The following ECEL1 variants were observed in gnomAD, a reference collection of about 807,000 sequenced individuals.
The protein encoded by ECEL1 is endothelin-converting enzyme-like 1.
In ECEL1, 87 loss-of-function variants were observed where a neutral mutation model predicts 101.8. That is an observed-to-expected ratio of 0.85 (90% CI 0.72 to 1.02). The LOEUF is 1.02. Among genes scored for constraint, ECEL1 ranks in the 50% least tolerant of loss-of-function variants. The probability of loss-of-function intolerance (pLI) is 0.00; values close to 1 mark genes in which losing one functional copy is unlikely to be tolerated. For missense variants in ECEL1, 1,032 were observed against 1,079.2 expected, an observed-to-expected ratio of 0.96 and a Z score of 0.61; for synonymous variants, 487 against 468.7, an observed-to-expected ratio of 1.04 and a Z score of -0.50.
At chr2:232,483,034 G>A in intron 9 of ECEL1, 71 bp downstream of exon 9, 1 of 1,612,264 alleles carries the variant, frequency 6.2e-7, no homozygotes. Flanking sequence ...GGCCGTGCAG[G>A]CCACCTGCCC....
intron 9 of ECEL1, 33 bp downstream of exon 9, chr2:232,483,072 T>TG: frequency 6.2e-7 from 1 of 1,611,470 alleles, no homozygotes; most frequent in Non-Finnish European, 8.5e-7. Flanking sequence ...AGAGGGGCTG[T>TG]GGACAGGCTG....
rs576994013 is a variant in ECEL1 at position 232,482,690 on chromosome 2, C to T, written c.1686-82G>A. On this transcript the variant is annotated intron_variant, in intron 10 of 17. Coordinates refer to ENST00000304546, the MANE Select transcript of ECEL1 (RefSeq NM_004826.4). ...ACATCACAGCTTCCTCGTCAGCCAT[C>T]TCCTGACAGTCTGGGGGTCACCCTG... 5 of 1,540,744 alleles carry T rather than the reference C, an allele frequency of 3.2e-6. No individual in the cohort carries two copies. The Admixed American group carries it at 6.8e-5, about 21-fold the overall frequency.
rs778658998 is a variant in ECEL1 at position 232,483,481 on chromosome 2, G to A, written c.1441C>T (p.Leu481=). The part of the protein sequence containing the change: ...QQLVEDIKYI[L]GQRLEELDWM... Reference sequence around the variant, plus strand: ...TCCAGCTCCTCCAGGCGCTGGCCCAGGATGTACTTGATGTCTTCCACTAGC... The same window carrying A: ...TCCAGCTCCTCCAGGCGCTGGCCCAAGATGTACTTGATGTCTTCCACTAGC... The change falls in exon 8 of 18, where the codon CTG becomes TTG. Residue 481 remains leucine, a synonymous_variant. Transcript: ENST00000304546. 4 of 1,612,224 alleles carry A rather than the reference G, an allele frequency of 2.5e-6. No individual in the cohort carries two copies. In the East Asian group the frequency reaches 6.7e-5, roughly 27 times the overall value.
At chr2:232,481,004 G>A in intron 15 of ECEL1, 87 bp downstream of exon 15, 2 of 1,504,480 alleles carry the variant, frequency 1.3e-6, no homozygotes, top group South Asian at 2.4e-5. Flanking sequence ...AGGGTGGGCA[G>A]GGAGAGGCAG....
Position 232,486,435 on chromosome 2 carries a change from G to T in ECEL1, c.219C>A (p.Cys73Ter). The change falls in exon 2 of 18, where the codon TGC becomes TGA. Residue 73 changes from cysteine to a stop codon, truncating the protein, a stop_gained. Coordinates refer to ENST00000304546, the MANE Select transcript of ECEL1 (RefSeq NM_004826.4). LOFTEE classifies it high-confidence loss of function. ...GGGCCAGCATAGCCGCCAGAATGGC[G>T]CAGAGGCCGGCGGCGAACACCAGCC... ...LSGLVFAAGL[C>*]AILAAMLALK... 1 of 1,457,958 alleles carries T rather than the reference G, an allele frequency of 6.9e-7. No homozygotes were observed. The allele number at this position is 1,457,958 out of a possible 1,614,324, so 90.3% of individuals were successfully genotyped here. A position where few individuals can be genotyped will look rare whatever the true frequency, so the allele number is the denominator to read the frequency against.
In ECEL1 at chr2:232,486,056, G is replaced by T; in HGVS notation, c.598C>A (p.Pro200Thr). 1 of 1,607,730 alleles carries T rather than the reference G, an allele frequency of 6.2e-7. No individual in the cohort carries two copies. The highest frequency in any genetic ancestry group is 8.5e-7 in the Non-Finnish European group (1 of 1,178,060). The change falls in exon 2 of 18, where the codon CCC (proline) becomes ACC (threonine). Residue 200 changes from proline (P) to threonine (T), a missense_variant. By Grantham distance (38) the Pro-to-Thr change is conservative. Transcript: ENST00000304546. ...MREIERLGPR[P>T]MLEVIEDCGG... is the part of the protein sequence containing the mutation. ...CAGTCCTCGATGACCTCTAGCATGG[G>T]TCGCGGGCCCAGTCGCTCGATCTCG...
Position 232,480,036 on chromosome 2 carries a change from G to A in ECEL1, c.*117C>T, listed in dbSNP as rs531115760. The A allele has an allele frequency of 8.0e-4, 778 of 974,828 alleles. 10 individuals carry two copies. In the South Asian group the frequency reaches 0.011, roughly 14 times the overall value. The allele number at this position is 974,828 out of a possible 1,614,324, so 60.4% of individuals were successfully genotyped here. The stretch of plus-strand genomic sequence containing the variant: ...CAGCAGGGGGACCGGGTCCTGGAGG[G>A]GCTGGAAGGCAGGTGGTGCCCAGAG... On this transcript the variant is annotated 3_prime_UTR_variant, in exon 18 of 18. Transcript: ENST00000304546.
rs114966878 is a variant in ECEL1, at chr2:232,480,086, T to A, written c.*67A>T. 3,370 of 1,510,460 alleles carry A rather than the reference T, an allele frequency of 2.2e-3. 52 individuals are homozygous for A. The African/African-American group carries it at 0.038, about 17-fold the overall frequency. 93.6% of individuals were successfully genotyped at this position (1,510,460 alleles called of 1,614,324 possible). On this transcript the variant is annotated 3_prime_UTR_variant, in exon 18 of 18. Transcript: ENST00000304546. ...GCGGGGCTGGCACCGGGTGCATGCCTGCCCCGGTAGCCAGCAGGAGGTGAT... is the reference window on the plus strand; with the variant it reads ...GCGGGGCTGGCACCGGGTGCATGCCAGCCCCGGTAGCCAGCAGGAGGTGAT...
chr2:232,482,563 G>A lies in ECEL1; in HGVS notation c.1731C>T (p.Asn577=). 6.2e-7 allele frequency: 1 copy of A among 1,613,864 alleles called. No homozygotes were observed. Among genetic ancestry groups the A allele is most frequent in the Non-Finnish European group, 8.5e-7 (1 of 1,179,990 alleles). The change falls in exon 11 of 18, where the codon AAC becomes AAT. Residue 577 remains asparagine (N), a synonymous_variant. Transcript: ENST00000304546. ...ACATCCCCTTACCCATCTGGTTCTT[G>A]TTGGGTAGATAGTAGGCATTGAGCG... ...PQALNAYYLP[N]KNQMVFPAGI...
Position 232,480,198 on chromosome 2 carries a change from G to A in ECEL1, c.2283C>T (p.Pro761=), listed in dbSNP as rs759591149. 1.2e-6 allele frequency: 2 copies of A among 1,613,938 alleles called. No homozygotes were observed. The highest frequency in any genetic ancestry group is 1.3e-5 in the African/African-American group (1 of 74,896). Residue 761 remains proline, a synonymous_variant, in exon 18 of 18, where the codon CCC becomes CCT. Coordinates refer to ENST00000304546, the MANE Select transcript of ECEL1 (RefSeq NM_004826.4). The part of the protein sequence containing the change: ...FEEFGRAFHC[P]KDSPMNPAHK... ...GGGCAGGGTTCATGGGTGAGTCCTT[G>A]GGACAGTGGAAAGCCCGGCCAAACT... is the stretch of plus-strand genomic sequence containing the variant.
In ECEL1 at chr2:232,480,156, C is replaced by T; in HGVS notation, c.2325G>A (p.Trp775Ter). Residue 775 changes from tryptophan to a stop codon, truncating the protein, a stop_gained, in exon 18 of 18, where the codon TGG becomes TGA. Transcript: ENST00000304546. LOFTEE classifies it high-confidence loss of function. The part of the protein sequence containing the change: ...PMNPAHKCSV[W>*] ...GCGTGCAGGCGGGCAGCCAGGCTCACCACACGGAACACTTGTGGGCAGGGT... is the reference window on the plus strand; with the variant it reads ...GCGTGCAGGCGGGCAGCCAGGCTCATCACACGGAACACTTGTGGGCAGGGT... 6.2e-7 allele frequency: 1 copy of T among 1,613,834 alleles called. No homozygotes were observed. Among genetic ancestry groups the T allele is most frequent in the Non-Finnish European group, 8.5e-7 (1 of 1,179,912 alleles).
At chr2:232,483,361 A>G (rs1690634313) in intron 8 of ECEL1, 55 bp downstream of exon 8, 1 of 1,569,946 alleles carries the variant, frequency 6.4e-7, no homozygotes, top group East Asian at 2.2e-5. Flanking sequence ...TCGCTGGTAC[A>G]CAGTAGGTGC....
chr2:232,482,402 C>G lies in ECEL1; in HGVS notation c.1796+16G>C. 1 of 1,613,762 alleles carries G rather than the reference C, an allele frequency of 6.2e-7. No individual in the cohort carries two copies. Among genetic ancestry groups the G allele is most frequent in the Non-Finnish European group, 8.5e-7 (1 of 1,180,016 alleles). Reference sequence around the variant, plus strand: ...GCCCTGCCCTCAGCCACAAACAGGGCAAGCTATGTACTCACTGTGGGAAGT... The same window carrying G: ...GCCCTGCCCTCAGCCACAAACAGGGGAAGCTATGTACTCACTGTGGGAAGT... On this transcript the variant is annotated intron_variant, in intron 12 of 17. Coordinates refer to ENST00000304546, the MANE Select transcript of ECEL1 (RefSeq NM_004826.4).
intron 1 of ECEL1, 23 bp downstream of exon 1, chr2:232,487,696 G>T (rs1164369315): frequency 2.6e-5 from 4 of 151,496 alleles, no homozygotes; most frequent in Non-Finnish European, 4.4e-5. Flanking sequence ...GGCCTCAGCG[G>T]CAGGGACTCG....
chr2:232,485,128 C>T (rs773925770), intron 3 of ECEL1, 37 bp from the exon 4 acceptor site: 6 of 1,611,640 alleles, frequency 3.7e-6, no homozygotes, highest in African/African-American at 1.3e-5. Flanking sequence ...GGGACAGGGA[C>T]AGGCCTAGCC....
intron 8 of ECEL1, 54 bp downstream of exon 8, chr2:232,483,362 C>T (rs1187494353): frequency 6.4e-7 from 1 of 1,570,866 alleles, no homozygotes; most frequent in Non-Finnish European, 8.7e-7. Flanking sequence ...CGCTGGTACA[C>T]AGTAGGTGCT....
chr2:232,486,784 G>A lies in ECEL1; in HGVS notation c.-101-30C>T, dbSNP rs985179038. 1.5e-5 allele frequency: 16 copies of A among 1,052,534 alleles called. No individual in the cohort carries two copies. In the African/African-American group the frequency reaches 2.7e-4, roughly 18 times the overall value. 65.2% of individuals were successfully genotyped at this position (1,052,534 alleles called of 1,614,324 possible). ...GGGAAGGGCGGAAGCAGGCTCAGGA[G>A]GCGCCGCAGCCGGATGGGGCTCAGG... On this transcript the variant is annotated intron_variant, in intron 1 of 17. Transcript: ENST00000304546.
rs1317432021 is a variant in ECEL1, at chr2:232,486,129, C to G, written c.525G>C (p.Ala175=). 3 of 1,565,528 alleles carry G rather than the reference C, an allele frequency of 1.9e-6. No individual in the cohort carries two copies. Among genetic ancestry groups the G allele is most frequent in the African/African-American group, 2.7e-5 (2 of 73,356 alleles). ...LARPGGGPGG[A]AQRKVRAFFR... is the part of the protein sequence containing the mutation. Reference sequence around the variant, plus strand: ...AGAAGGCGCGCACCTTGCGCTGGGCCGCGCCGCCAGGCCCACCCCCGGGCC... The same window carrying G: ...AGAAGGCGCGCACCTTGCGCTGGGCGGCGCCGCCAGGCCCACCCCCGGGCC... Residue 175 remains alanine, a synonymous_variant, in exon 2 of 18, where the codon GCG becomes GCC. Coordinates refer to ENST00000304546, the MANE Select transcript of ECEL1 (RefSeq NM_004826.4).
Position 232,487,711 on chromosome 2 carries a change from CCA to C in ECEL1, c.-102+6_-102+7del, listed in dbSNP as rs1343628816. On this transcript the variant is annotated splice_donor_region_variant and intron_variant, in intron 1 of 17. Transcript: ENST00000304546. ...GGCCTCAGCGGCAGGGACTCGGGCG[CCA>C]CTTACCCGGCAGGTGCGCGCCCGAG... The C allele has an allele frequency of 6.6e-6, 1 of 151,148 alleles. No homozygotes were observed. Among genetic ancestry groups the C allele is most frequent in the African/African-American group, 2.4e-5 (1 of 41,308 alleles). 9.4% of individuals were successfully genotyped at this position (151,148 alleles called of 1,614,324 possible). A position where few individuals can be genotyped will look rare whatever the true frequency, so the allele number is the denominator to read the frequency against.
Sources: allele counts gnomAD v4.1 joint callset, GRCh38; gene constraint gnomAD v4.1.1; transcripts MANE v1.5; gene names NCBI Gene and HGNC (gene_info 2026-07-23, HGNC 2026-07-21).